The following GSE1 variants were observed in gnomAD, a reference collection of about 807,000 sequenced individuals.
GSE1 encodes genetic suppressor element 1.
Under a neutral mutation model 112.6 loss-of-function variants are expected in GSE1, and 32 were observed. The ratio of observed to expected loss-of-function variants is 0.28; its 90% confidence interval spans 0.21 to 0.38. GSE1 has a LOEUF of 0.38. Among genes scored for constraint, GSE1 ranks in the 10% least tolerant of loss-of-function variants. The probability of loss-of-function intolerance (pLI) is 1.00; values close to 1 mark genes in which losing one functional copy is unlikely to be tolerated. For synonymous variants in GSE1, 1,115 were observed against 735.6 expected, an observed-to-expected ratio of 1.52 and a Z score of -8.35; for missense variants, 2,348 against 1,699.2, an observed-to-expected ratio of 1.38 and a Z score of -6.71.
At chr16:85,637,882 C>G (rs56243404) in intron 2 of GSE1, among the ~76,000 whole-genome samples, 4 of 152,292 alleles carry the variant, frequency 2.6e-5, no homozygotes, top group Non-Finnish European at 5.9e-5. Flanking sequence ...CGGCCCGCAG[C>G]CAGGGCTGCC....
At chr16:85,538,172 G>C (rs1054840503) in intron 2 of GSE1, among the ~76,000 whole-genome samples, 1 of 152,210 alleles carries the variant, frequency 6.6e-6, no homozygotes, top group Non-Finnish European at 1.5e-5. Flanking sequence ...GCCGTTGCCG[G>C]GCCACCCTAG....
intron 2 of GSE1, among the ~76,000 whole-genome samples, chr16:85,413,971 C>A (rs1197873013): frequency 6.6e-6 from 1 of 152,196 alleles, no homozygotes. Context: ...AAGAGGGCAC[C>A]TTGCTTCTCT....
chr16:85,505,483 G>A (rs1212456096), intron 2 of GSE1, among the ~76,000 whole-genome samples: 2 of 152,114 alleles, frequency 1.3e-5, no homozygotes, highest in African/African-American at 4.8e-5. Flanking sequence ...TCAAAATAGA[G>A]CCCAGGCCCT....
Position 85,419,618 on chromosome 16 carries a change from CAAAA to C in GSE1, c.2464+61978_2464+61981del, listed in dbSNP as rs1488585743. ...AAGGCTGTGTCTCAAAAAAAAAAAA[CAAAA>C]AACAAAAAACAAAAAATAACATTAT... is the stretch of plus-strand genomic sequence containing the variant. On this transcript the variant is annotated intron_variant, in intron 2 of 2. Coordinates refer to the GSE1 transcript ENST00000637419. The surrounding 1 kb of genome is among the most constrained non-coding windows in gnomAD (Gnocchi z 6.5). Among the ~76,000 whole-genome samples the C allele has an allele frequency of 1.4e-5, 2 of 145,792 alleles. No individual in the cohort carries two copies. Among genetic ancestry groups the C allele is most frequent in the Non-Finnish European group, 3.0e-5 (2 of 66,168 alleles).
chr16:85,400,400 C>T (rs576669807), intron 2 of GSE1, among the ~76,000 whole-genome samples: 9 of 149,472 alleles, frequency 6.0e-5, no homozygotes, highest in Non-Finnish European at 8.9e-5. Context: ...TCTCTGTGGC[C>T]GTGTGTGTTG....
chr16:85,401,172 C>T lies in GSE1; in HGVS notation c.2464+43529C>T, dbSNP rs115279319. ...GGGAGGGGCAATGGGGGCCCCCGCC[C>T]GGCAGGAGAGGGAGTGAGGCCAACG... On this transcript the variant is annotated intron_variant, in intron 2 of 2. Transcript: ENST00000637419. Among the ~76,000 whole-genome samples, 868 of 152,182 alleles carry T rather than the reference C, an allele frequency of 5.7e-3. 9 individuals are homozygous for T. Among genetic ancestry groups the T allele is most frequent in the African/African-American group, 0.02 (814 of 41,524 alleles).
intron 2 of GSE1, among the ~76,000 whole-genome samples, chr16:85,443,258 C>T (rs1407373515): frequency 6.6e-6 from 1 of 152,218 alleles, no homozygotes; most frequent in Non-Finnish European, 1.5e-5. Context: ...CATGGCCCGC[C>T]AGGCCCCAGA....
upstream of GSE1, among the ~76,000 whole-genome samples, chr16:85,554,662 A>G (rs1314240988): frequency 6.6e-6 from 1 of 152,092 alleles, no homozygotes; most frequent in Non-Finnish European, 1.5e-5. Flanking sequence ...GCGTTGCCGC[A>G]ACCCCGCGTG....
At chr16:85,304,315 C>T (rs1298160874) in intron 1 of GSE1, among the ~76,000 whole-genome samples, 5 of 152,224 alleles carry the variant, frequency 3.3e-5, no homozygotes, top group African/African-American at 1.2e-4. Context: ...ACCTCCTGCC[C>T]TTTTCTTCTC....
In GSE1 at chr16:85,613,358, T is replaced by C. The variant is rs768318801; in HGVS notation, c.-34T>C. The C allele has an allele frequency of 2.2e-5, 34 of 1,568,836 alleles. No individual in the cohort carries two copies. Among genetic ancestry groups the C allele is most frequent in the Non-Finnish European group, 2.8e-5 (32 of 1,158,004 alleles). ...ACACTGGGCGACGGTGGCTCCAGCA[T>C]GTATCAGCCGAGGTGGAGCTGCGGG... On this transcript the variant is annotated 5_prime_UTR_variant, in exon 1 of 16. An upstream start codon of the reference 5' UTR is lost. Transcript: ENST00000253458.
intron 2 of GSE1, among the ~76,000 whole-genome samples, chr16:85,522,092 G>A (rs563072403): frequency 1.3e-4 from 20 of 152,314 alleles, no homozygotes; most frequent in South Asian, 6.2e-4. Context: ...ATATCTGGGC[G>A]GATGGCTGCT....
At chr16:85,494,976 G>A (rs938460051) in intron 2 of GSE1, among the ~76,000 whole-genome samples, 1 of 150,376 alleles carries the variant, frequency 6.6e-6, no homozygotes, top group Non-Finnish European at 1.5e-5. Context: ...GCTGTGGAGA[G>A]GTCAACCACT....
rs528157820 is a variant in GSE1, at chr16:85,533,157, A to G, written c.2465-100757A>G. 2.6e-5 allele frequency among the ~76,000 whole-genome samples: 4 copies of G among 152,258 alleles called. No individual in the cohort carries two copies. In the South Asian group the frequency reaches 8.3e-4, roughly 32 times the overall value. ...GCCGGGCGTGGTGGCTCACGCCTGT[A>G]ATCCCAGCACTTTGGGAGGCCAAGG... On this transcript the variant is annotated intron_variant, in intron 2 of 2. Transcript: ENST00000637419.
At chr16:85,416,782 G>A (rs925176351) in intron 2 of GSE1, among the ~76,000 whole-genome samples, 2 of 152,242 alleles carry the variant, frequency 1.3e-5, no homozygotes, top group Non-Finnish European at 2.9e-5. Context: ...CATGGATCCC[G>A]GGGCTTCTCA....
rs566410766 is a variant in GSE1 at position 85,269,174 on chromosome 16, A to G, written c.2284-88289A>G. ...TTCTTTTATTACCATGCCATCTAAT[A>G]TGGAGAGATGAAAATAAATGAGCCA... On this transcript the variant is annotated intron_variant, in intron 1 of 2. Coordinates refer to the GSE1 transcript ENST00000637419. Among the ~76,000 whole-genome samples, 12 of 149,408 alleles carry G rather than the reference A, an allele frequency of 8.0e-5. 1 individual carries two copies. The South Asian group carries it at 2.5e-3, about 31-fold the overall frequency.
Position 85,526,434 on chromosome 16 carries a change from C to T in GSE1, c.2465-107480C>T, listed in dbSNP as rs1031677045. Reference sequence around the variant, plus strand: ...TGAGAAGAACGGCCAGTCCCACGCGCGCCAGCAGCCAGGACTGCTGGAATC... The same window carrying T: ...TGAGAAGAACGGCCAGTCCCACGCGTGCCAGCAGCCAGGACTGCTGGAATC... On this transcript the variant is annotated intron_variant, in intron 2 of 2. Coordinates refer to the GSE1 transcript ENST00000637419. 7.2e-5 allele frequency among the ~76,000 whole-genome samples: 11 copies of T among 152,344 alleles called. 1 individual carries two copies. Among genetic ancestry groups the T allele is most frequent in the Middle Eastern group, 6.8e-3 (2 of 294 alleles).
At chr16:85,190,012 GCACTTGT>G (rs1372772454) in intron 1 of GSE1, among the ~76,000 whole-genome samples, 1 of 152,140 alleles carries the variant, frequency 6.6e-6, no homozygotes, top group East Asian at 1.9e-4. Context: ...ATCATCTTTT[GCACTTGT>G]CACCTATCTT....
At position 85,654,996 on chromosome 16, in the gene GSE1, G is replaced by C; in HGVS notation, c.797+5G>C. On this transcript the variant is annotated splice_donor_5th_base_variant and intron_variant, in intron 5 of 15. Coordinates refer to ENST00000253458, the MANE Select transcript of GSE1 (RefSeq NM_014615.5). ...CTTCCCCCACCCGGCCTTCAGGTGA[G>C]GCATCCCCCACGCGCCCTCTCGTCT... 3.9e-6 allele frequency: 6 copies of C among 1,553,860 alleles called. No individual in the cohort carries two copies. Among genetic ancestry groups the C allele is most frequent in the Non-Finnish European group, 5.3e-6 (6 of 1,139,018 alleles).
At chr16:85,657,254 C>G (rs1001061681) in intron 7 of GSE1, 23 bp from the exon 8 acceptor site, 1 of 1,501,652 alleles carries the variant, frequency 6.7e-7, no homozygotes. Context: ...TGAGATCCTG[C>G]TTGACCGTGT....
Sources: allele counts gnomAD v4.1 joint callset (sites outside exome capture counted in the v4.1 genomes callset), GRCh38; gene constraint gnomAD v4.1.1; non-coding constraint Gnocchi (gnomAD v3.1); transcripts MANE v1.5; gene names NCBI Gene and HGNC (gene_info 2026-07-23, HGNC 2026-07-21).